Variants in PANK3 observed in about 807,000 individuals in gnomAD.
PANK3 encodes pantothenate kinase 3, also known as hPanK3.
PANK3 carries 20 observed loss-of-function variants against 39.4 expected under a neutral mutation model. That is an observed-to-expected ratio of 0.51 (90% CI 0.36 to 0.74). The LOEUF (loss-of-function observed/expected upper bound fraction) is 0.74, where lower values mean the gene tolerates loss of function less well. Ranked by LOEUF, PANK3 falls within the 30% of genes least tolerant of loss-of-function variation. The pLI, the probability that PANK3 is intolerant of heterozygous loss-of-function variation, is 0.00. For missense variants in PANK3, 265 were observed against 437.0 expected, an observed-to-expected ratio of 0.61 and a Z score of 3.51; for synonymous variants, 140 against 157.3, an observed-to-expected ratio of 0.89 and a Z score of 0.82.
intron 1 of PANK3, among the ~76,000 whole-genome samples, chr5:168,569,488 G>A (rs1012121835): frequency 4.0e-5 from 6 of 151,772 alleles, no homozygotes; most frequent in African/African-American, 9.7e-5. Flanking sequence ...CACCGCGCTC[G>A]GCCCTTCAAA....
chr5:168,556,650 T>C lies in PANK3; in HGVS notation c.*921A>G, dbSNP rs1346343711. The stretch of plus-strand genomic sequence containing the variant: ...AGCAAAGGGTAATAATAAGGCATGG[T>C]AGAGGTTTTCCCATTTTTCAGTGAC... On this transcript the variant is annotated 3_prime_UTR_variant, in exon 7 of 7. Transcript: ENST00000239231. The C allele has an allele frequency of 1.3e-5, 2 of 152,620 alleles. No individual in the cohort carries two copies. The highest frequency in any genetic ancestry group is 2.4e-5 in the African/African-American group (1 of 41,456). 9.5% of individuals were successfully genotyped at this position (152,620 alleles called of 1,614,324 possible).
intron 5 of PANK3, among the ~76,000 whole-genome samples, chr5:168,560,522 T>G (rs1378189103): frequency 6.6e-6 from 1 of 152,170 alleles, no homozygotes; most frequent in Non-Finnish European, 1.5e-5. Flanking sequence ...CTACACAATT[T>G]ACTTAATATG....
intron 1 of PANK3, among the ~76,000 whole-genome samples, chr5:168,577,923 A>G (rs1432512366): frequency 1.3e-5 from 2 of 152,230 alleles, no homozygotes; most frequent in African/African-American, 4.8e-5. Context: ...AATTCAGCAA[A>G]TGAAAATTTA....
At chr5:168,573,197 T>C (rs543113916) in intron 1 of PANK3, among the ~76,000 whole-genome samples, 2 of 151,788 alleles carry the variant, frequency 1.3e-5, no homozygotes, top group Non-Finnish European at 2.9e-5. Context: ...CTAGCATATA[T>C]CAGTTATAAC....
Position 168,556,189 on chromosome 5 carries a change from G to A in PANK3, c.*1382C>T, listed in dbSNP as rs1420697435. The A allele has an allele frequency of 1.3e-5, 2 of 152,278 alleles. No homozygotes were observed. The highest frequency in any genetic ancestry group is 1.3e-4 in the Admixed American group (2 of 15,276). The allele number at this position is 152,278 out of a possible 1,614,324, so 9.4% of individuals were successfully genotyped here. A position where few individuals can be genotyped will look rare whatever the true frequency, so the allele number is the denominator to read the frequency against. ...AAAGAAAGTGCGAGATAAGAGCATG[G>A]TGGCCTCTTGGGGTCCCTTGATGGG... On this transcript the variant is annotated 3_prime_UTR_variant, in exon 7 of 7. Transcript: ENST00000239231.
At chr5:168,564,688 G>C (rs927047770) in intron 3 of PANK3, among the ~76,000 whole-genome samples, 6 of 152,016 alleles carry the variant, frequency 3.9e-5, no homozygotes, top group African/African-American at 1.4e-4. Flanking sequence ...CCTCCACTTT[G>C]GCCTCCCAAA....
chr5:168,573,021 GA>G (rs988706608), intron 1 of PANK3, among the ~76,000 whole-genome samples: 3 of 152,022 alleles, frequency 2.0e-5, no homozygotes, highest in African/African-American at 7.3e-5. Context: ...GATGAATTGA[GA>G]AACTAAACAG....
At chr5:168,566,328 T>C in intron 2 of PANK3, 62 bp from the exon 3 acceptor site, 2 of 1,492,556 alleles carry the variant, frequency 1.3e-6, no homozygotes, top group South Asian at 2.6e-5. Context: ...AACTATATGA[T>C]TTTCCTGTAT....
intron 2 of PANK3, among the ~76,000 whole-genome samples, 185 bp from the exon 3 acceptor site, chr5:168,566,451 A>G (rs1582464842): frequency 6.6e-6 from 1 of 152,130 alleles, no homozygotes; most frequent in South Asian, 2.1e-4. Flanking sequence ...GGGTGGTATC[A>G]CCTCACTGCT....
intron 4 of PANK3, among the ~76,000 whole-genome samples, chr5:168,563,113 T>C (rs1169189666): frequency 1.3e-5 from 2 of 152,232 alleles, no homozygotes; most frequent in African/African-American, 4.8e-5. Context: ...AGTATAAAAA[T>C]ACCACCATTA....
Position 168,552,048 on chromosome 5 carries a change from G to A in PANK3, c.*5523C>T, listed in dbSNP as rs796199933. 14 of 152,342 alleles carry A rather than the reference G, an allele frequency of 9.2e-5. No individual in the cohort carries two copies. The highest frequency in any genetic ancestry group is 2.6e-4 in the African/African-American group (11 of 41,554). The allele number at this position is 152,342 out of a possible 1,614,324, so 9.4% of individuals were successfully genotyped here. A position where few individuals can be genotyped will look rare whatever the true frequency, so the allele number is the denominator to read the frequency against. ...TCTAATTAAAAGGCAATCTTCTCGCGGGGTCAGGGTGGTGGTGATGGGAAA... is the reference window on the plus strand; with the variant it reads ...TCTAATTAAAAGGCAATCTTCTCGCAGGGTCAGGGTGGTGGTGATGGGAAA... On this transcript the variant is annotated 3_prime_UTR_variant, in exon 7 of 7. Coordinates refer to ENST00000239231, the MANE Select transcript of PANK3 (RefSeq NM_024594.4).
At position 168,568,968 on chromosome 5, in the gene PANK3, C is replaced by T; in HGVS notation, c.59G>A (p.Gly20Glu). 6.3e-7 allele frequency: 1 copy of T among 1,586,204 alleles called. No individual in the cohort carries two copies. The highest frequency in any genetic ancestry group is 1.4e-5 in the African/African-American group (1 of 71,674). ...SFPWFGMDIG[G>E]TLVKLSYFEP... ...AAAGTACGAGAGCTTTACTAGAGTTCCCCCAATGTCCATGCCAAACCATGG... is the reference window on the plus strand; with the variant it reads ...AAAGTACGAGAGCTTTACTAGAGTTTCCCCAATGTCCATGCCAAACCATGG... Residue 20 changes from glycine (G) to glutamate (E), a missense_variant, in exon 2 of 7, where the codon GGA becomes GAA. Coordinates refer to ENST00000239231, the MANE Select transcript of PANK3 (RefSeq NM_024594.4).
intron 4 of PANK3, among the ~76,000 whole-genome samples, chr5:168,562,997 G>C (rs1424401513): frequency 6.6e-6 from 1 of 151,832 alleles, no homozygotes; most frequent in Non-Finnish European, 1.5e-5. Context: ...TGGATTATTA[G>C]ACATTAGGGC....
In PANK3 at chr5:168,565,997, C is replaced by T. The variant is rs201024462; in HGVS notation, c.635+16G>A. Reference sequence around the variant, plus strand: ...AAACAATGTGAATGCAGCAATACAACCAAAAAGGTCACTACCTTGTCCCAG... The same window carrying T: ...AAACAATGTGAATGCAGCAATACAATCAAAAAGGTCACTACCTTGTCCCAG... On this transcript the variant is annotated intron_variant, in intron 3 of 6. Coordinates refer to ENST00000239231, the MANE Select transcript of PANK3 (RefSeq NM_024594.4). 8.6e-4 allele frequency: 1,374 copies of T among 1,594,862 alleles called. 1 individual carries two copies. The highest frequency in any genetic ancestry group is 1.1e-3 in the Non-Finnish European group (1,300 of 1,166,300).
In PANK3 at chr5:168,557,290, A is replaced by G. The variant is rs893170499; in HGVS notation, c.*281T>C. 4.9e-6 allele frequency: 2 copies of G among 405,052 alleles called. No individual in the cohort carries two copies. The highest frequency in any genetic ancestry group is 8.4e-5 in the Admixed American group (2 of 23,856). The allele number at this position is 405,052 out of a possible 1,614,324, so 25.1% of individuals were successfully genotyped here. A position where few individuals can be genotyped will look rare whatever the true frequency, so the allele number is the denominator to read the frequency against. ...TTTGTGTTTGAGCATACAGTACTGC[A>G]ATGTTGGCTACATAAAATAAAAAAA... On this transcript the variant is annotated 3_prime_UTR_variant, in exon 7 of 7. Transcript: ENST00000239231.
chr5:168,564,177 G>A, intron 3 of PANK3, 112 bp from the exon 4 acceptor site: 1 of 915,910 alleles, frequency 1.1e-6, no homozygotes, highest in Admixed American at 3.2e-5. Flanking sequence ...AAAAACCTAT[G>A]ACTAATGCTG....
intron 3 of PANK3, among the ~76,000 whole-genome samples, chr5:168,564,527 G>C (rs903378675): frequency 1.3e-5 from 2 of 152,080 alleles, no homozygotes; most frequent in African/African-American, 4.8e-5. Flanking sequence ...TTGAACTCCT[G>C]GGCTCAAGCA....
At position 168,550,813 on chromosome 5, in the gene PANK3, A is replaced by G. The variant is rs1759263849; in HGVS notation, c.*6758T>C. The G allele has an allele frequency of 6.6e-6, 1 of 152,138 alleles. No individual in the cohort carries two copies. The highest frequency in any genetic ancestry group is 2.1e-4 in the South Asian group (1 of 4,832). The allele number at this position is 152,138 out of a possible 1,614,324, so 9.4% of individuals were successfully genotyped here. A position where few individuals can be genotyped will look rare whatever the true frequency, so the allele number is the denominator to read the frequency against. On this transcript the variant is annotated 3_prime_UTR_variant, in exon 7 of 7. Transcript: ENST00000239231. ...GACCCTGAAAACTGACTCATTTCCCATCATAACAAACCAACTCCCTCATTT... is the reference window on the plus strand; with the variant it reads ...GACCCTGAAAACTGACTCATTTCCCGTCATAACAAACCAACTCCCTCATTT...
At chr5:168,575,389 G>A (rs1023845729) in intron 1 of PANK3, among the ~76,000 whole-genome samples, 5 of 152,192 alleles carry the variant, frequency 3.3e-5, no homozygotes, top group African/African-American at 1.2e-4. Flanking sequence ...CACAAGAGCA[G>A]ACTGTTAATT....
Sources: allele counts gnomAD v4.1 joint callset (sites outside exome capture counted in the v4.1 genomes callset), GRCh38; gene constraint gnomAD v4.1.1; transcripts MANE v1.5; gene names NCBI Gene and HGNC (gene_info 2026-07-23, HGNC 2026-07-21).